POU2AF2: variants seen among roughly 807,000 people sequenced by gnomAD.
POU2AF2 encodes POU domain class 2-associating factor 2.
At chr11:111,265,615 G>A in the POU2AF2 span, among the ~76,000 whole-genome samples, 1 of 152,134 alleles carries the variant, frequency 6.6e-6, no homozygotes, top group Non-Finnish European at 1.5e-5. Context: ...ATGGCATGCT[G>A]TAAATGCTCA....
the POU2AF2 span, among the ~76,000 whole-genome samples, chr11:111,283,130 C>G: frequency 6.6e-6 from 1 of 150,496 alleles, no homozygotes; most frequent in Non-Finnish European, 1.5e-5. Context: ...CCTCCACCTC[C>G]CGGGTTCAAG....
chr11:111,265,640 T>C, the POU2AF2 span, among the ~76,000 whole-genome samples: 2 of 152,132 alleles, frequency 1.3e-5, no homozygotes, highest in East Asian at 3.9e-4. Context: ...ATGGCAGCTT[T>C]TATGGTTTTT....
chr11:111,264,410 C>G, the POU2AF2 span, among the ~76,000 whole-genome samples: 1 of 151,552 alleles, frequency 6.6e-6, no homozygotes, highest in Non-Finnish European at 1.5e-5. Flanking sequence ...GCACAAGAAT[C>G]GCTTGAACCC....
chr11:111,258,519 C>T, the POU2AF2 span, among the ~76,000 whole-genome samples: 147 of 152,192 alleles, frequency 9.7e-4, 1 homozygote, highest in African/African-American at 3.3e-3. Flanking sequence ...ATCCAAATGG[C>T]GGACATACTT....
At chr11:111,268,968 C>G in the POU2AF2 span, among the ~76,000 whole-genome samples, 1 of 152,044 alleles carries the variant, frequency 6.6e-6, no homozygotes, top group African/African-American at 2.4e-5. Flanking sequence ...TCTTAAGAAA[C>G]CTGCAATTTT....
At chr11:111,277,454 G>A in the POU2AF2 span, among the ~76,000 whole-genome samples, 1 of 152,214 alleles carries the variant, frequency 6.6e-6, no homozygotes, top group Non-Finnish European at 1.5e-5. Context: ...CAGTAGAGGA[G>A]AAAGACAGAA....
chr11:111,276,451 A>ATATAT, the POU2AF2 span, among the ~76,000 whole-genome samples: 20 of 41,956 alleles, frequency 4.8e-4, no homozygotes, highest in South Asian at 1.4e-3. Flanking sequence ...AAAAAAAAAA[A>ATATAT]AAATATATAT....
chr11:111,266,616 G>A, the POU2AF2 span, among the ~76,000 whole-genome samples: 1 of 152,106 alleles, frequency 6.6e-6, no homozygotes, highest in African/African-American at 2.4e-5. Context: ...CTTCCCACCT[G>A]TTCAGTTCTC....
At chr11:111,256,984 G>T in the POU2AF2 span, among the ~76,000 whole-genome samples, 1 of 152,218 alleles carries the variant, frequency 6.6e-6, no homozygotes, top group Non-Finnish European at 1.5e-5. Context: ...TAGTTCTACT[G>T]TATACCCCAA....
chr11:111,282,010 G>C, the POU2AF2 span, among the ~76,000 whole-genome samples: 5 of 152,080 alleles, frequency 3.3e-5, no homozygotes, highest in African/African-American at 1.2e-4. Context: ...AGGAATAAGA[G>C]CAATCGAGGA....
chr11:111,276,453 A>AAAAAAAAATATATATATATAT, the POU2AF2 span, among the ~76,000 whole-genome samples: 3 of 37,674 alleles, frequency 8.0e-5, no homozygotes, highest in Non-Finnish European at 1.0e-4. Context: ...AAAAAAAAAA[A>AAAAAAAAATATATATATATAT]ATATATATAT....
the POU2AF2 span, among the ~76,000 whole-genome samples, chr11:111,264,556 GAAAGAAAGA>G: frequency 3.2e-5 from 2 of 63,356 alleles, no homozygotes; most frequent in South Asian, 1.7e-3. Flanking sequence ...AAGAAAGAAA[GAAAGAAAGA>G]AAGAAAGAAA....
chr11:111,276,453 A>AAAAAAAAAAAAAAAAAATAT, the POU2AF2 span, among the ~76,000 whole-genome samples: 2 of 37,666 alleles, frequency 5.3e-5, no homozygotes, highest in African/African-American at 1.9e-4. Context: ...AAAAAAAAAA[A>AAAAAAAAAAAAAAAAAATAT]ATATATATAT....
chr11:111,261,314 CT>C, the POU2AF2 span, among the ~76,000 whole-genome samples: 4 of 151,356 alleles, frequency 2.6e-5, no homozygotes, highest in African/African-American at 9.7e-5. Flanking sequence ...CTGATTGCTG[CT>C]TTTTTTGAAC....
At chr11:111,284,309 T>C in the POU2AF2 span, 1 of 1,612,528 alleles carries the variant, frequency 6.2e-7, no homozygotes. Context: ...GGGCTCTCTG[T>C]TCAGCGCCTC....
chr11:111,255,848 G>T, the POU2AF2 span: 1 of 395,024 alleles, frequency 2.5e-6, no homozygotes, highest in Admixed American at 4.4e-5. Context: ...CTCTATCAAA[G>T]CCACTTCAAA....
chr11:111,276,456 ATATATATAT>A, the POU2AF2 span, among the ~76,000 whole-genome samples: 31 of 36,584 alleles, frequency 8.5e-4, no homozygotes, highest in Middle Eastern at 0.024. Flanking sequence ...AAAAAAAAAT[ATATATATAT>A]ATATATATAT....
At chr11:111,285,722 CT>C in the POU2AF2 span, 1 of 1,613,830 alleles carries the variant, frequency 6.2e-7, no homozygotes, top group East Asian at 2.2e-5. Context: ...CGATGCCCTG[CT>C]GACCTTGCCA....
the POU2AF2 span, among the ~76,000 whole-genome samples, chr11:111,268,486 TATTTTATTTTATTTTA>T: frequency 2.5e-5 from 1 of 40,710 alleles, no homozygotes; most frequent in East Asian, 6.3e-4. Flanking sequence ...TTTTTTATTT[TATTTTATTTTATTTTA>T]TTTTATTTTA....
Sources: allele counts gnomAD v4.1 joint callset (sites outside exome capture counted in the v4.1 genomes callset), GRCh38; gene constraint gnomAD v4.1.1; transcripts MANE v1.5; gene names NCBI Gene and HGNC (gene_info 2026-07-23, HGNC 2026-07-21).